HGF: variants seen among roughly 807,000 people sequenced by gnomAD.
The protein encoded by HGF is hepatocyte growth factor.
HGF carries 39 observed loss-of-function variants against 111.6 expected under a neutral mutation model. The ratio of observed to expected loss-of-function variants is 0.35; its 90% CI spans 0.27 to 0.46. The LOEUF is 0.46. Ranked by LOEUF, HGF falls within the 20% of genes least tolerant of loss-of-function variation. HGF has a pLI of 1.00. For missense variants in HGF, 735 were observed against 910.5 expected (o/e 0.81, Z 2.48); for synonymous variants, 285 against 294.8 (o/e 0.97, Z 0.34).
At chr7:81,736,243 A>G (rs1317122850) in intron 7 of HGF, among the ~76,000 whole-genome samples, 3 of 152,096 alleles carry the variant, frequency 2.0e-5, no homozygotes, top group Non-Finnish European at 2.9e-5. Flanking sequence ...AGAAGTAAAC[A>G]ATTCATACGT....
intron 5 of HGF, chr7:81,750,889 T>G (rs1788465615): frequency 2.5e-6 from 2 of 809,112 alleles, no homozygotes. Flanking sequence ...AAAACAGACT[T>G]GTTCAAAACG....
intron 12 of HGF, among the ~76,000 whole-genome samples, chr7:81,710,677 T>G (rs1215795870): frequency 6.6e-6 from 1 of 152,220 alleles, no homozygotes; most frequent in African/African-American, 2.4e-5. Context: ...TCTGAATTTG[T>G]ACAGTTAGAT....
chr7:81,737,210 T>C (rs567626059), intron 7 of HGF, among the ~76,000 whole-genome samples: 1 of 151,992 alleles, frequency 6.6e-6, no homozygotes, highest in African/African-American at 2.4e-5. Context: ...TAATAGAGCC[T>C]AAATCATGCA....
chr7:81,751,192 A>C (rs1788481794), intron 5 of HGF: 1 of 904,428 alleles, frequency 1.1e-6, no homozygotes, highest in Admixed American at 6.2e-5. Flanking sequence ...AACAGGTAAG[A>C]TATCTTAGTA....
intron 10 of HGF, among the ~76,000 whole-genome samples, chr7:81,718,138 A>G (rs1463944805): frequency 6.6e-6 from 1 of 152,192 alleles, no homozygotes; most frequent in Admixed American, 6.5e-5. Context: ...CCAGTTATTA[A>G]TTGCTACCAT....
chr7:81,751,280 C>T lies in HGF; in HGVS notation c.625+840G>A, dbSNP rs1387427258. ...TAACAATTTTCTAACAGAGTTTCAT[C>T]CATGTTTCACTTAGATTTTTGGAAA... On this transcript the variant is annotated intron_variant, in intron 5 of 17. Transcript: ENST00000222390. 13 of 984,718 alleles carry T rather than the reference C, an allele frequency of 1.3e-5. No homozygotes were observed. In the African/African-American group the frequency reaches 2.1e-4, roughly 16 times the overall value. The allele number at this position is 984,718 out of a possible 1,614,324, so 61.0% of individuals were successfully genotyped here.
At chr7:81,715,447 A>T (rs1789685767) in intron 11 of HGF, among the ~76,000 whole-genome samples, 2 of 152,206 alleles carry the variant, frequency 1.3e-5, no homozygotes, top group South Asian at 2.1e-4. Context: ...ATATGGGAAA[A>T]GTGAAGAACA....
Position 81,743,467 on chromosome 7 carries a change from G to A in HGF, c.751C>T (p.Pro251Ser), listed in dbSNP as rs865828369. The change falls in exon 7 of 18, where the codon CCC (proline) becomes TCC (serine). Residue 251 changes from proline to serine, a missense_variant. By Grantham distance (74) the Pro-to-Ser change is moderately conservative. Around this residue, in one of 3 missense-constraint regions of HGF, gnomAD observed 553 missense variants for 685.6 expected, o/e 0.81. Transcript: ENST00000222390. ...TAATTATCATCAAAGCCCTTGTCGG[G>A]ATATCTGCAAACCACACCAAGAAAA... Reference protein sequence around the residue: ...HRHKFLPERYPDKGFDDNYCR... With the variant: ...HRHKFLPERYSDKGFDDNYCR... 6.3e-7 allele frequency: 1 copy of A among 1,599,784 alleles called. No individual in the cohort carries two copies. The highest frequency in any genetic ancestry group is 8.6e-7 in the Non-Finnish European group (1 of 1,167,000).
intron 7 of HGF, among the ~76,000 whole-genome samples, chr7:81,735,105 T>C (rs1225987794): frequency 6.6e-6 from 1 of 152,112 alleles, no homozygotes; most frequent in African/African-American, 2.4e-5. Flanking sequence ...CTGTGGGCCA[T>C]GAAGACCAGG....
intron 9 of HGF, among the ~76,000 whole-genome samples, chr7:81,722,904 A>G (rs1394870300): frequency 6.6e-6 from 1 of 151,012 alleles, no homozygotes; most frequent in Non-Finnish European, 1.5e-5. Flanking sequence ...ACTTTTAAAA[A>G]TATTCTATAC....
chr7:81,761,877 A>G (rs1231416796), intron 2 of HGF, among the ~76,000 whole-genome samples: 1 of 152,100 alleles, frequency 6.6e-6, no homozygotes, highest in Admixed American at 6.5e-5. Flanking sequence ...CTAGATTCTC[A>G]TAAGGAGCGC....
In HGF at chr7:81,720,891, C is replaced by T. The variant is rs758904431; in HGVS notation, c.1169-44G>A. On this transcript the variant is annotated intron_variant, in intron 9 of 17. Coordinates refer to ENST00000222390, the MANE Select transcript of HGF (RefSeq NM_000601.6). ...GAAATAAGTCCAATGAATATCAAGG[C>T]AGATAAAACAAAAAGGTTTTTTACA... The T allele has an allele frequency of 7.1e-5, 74 of 1,035,406 alleles. No homozygotes were observed. The South Asian group carries it at 7.7e-4, about 11-fold the overall frequency. The allele number at this position is 1,035,406 out of a possible 1,614,324, so 64.1% of individuals were successfully genotyped here. A position where few individuals can be genotyped will look rare whatever the true frequency, so the allele number is the denominator to read the frequency against.
At chr7:81,706,037 C>T (rs1789415638) in intron 15 of HGF, among the ~76,000 whole-genome samples, 1 of 151,760 alleles carries the variant, frequency 6.6e-6, no homozygotes, top group Non-Finnish European at 1.5e-5. Flanking sequence ...TGCTGAGTTT[C>T]CATTTTAAAA....
At chr7:81,736,117 C>G (rs886713139) in intron 7 of HGF, among the ~76,000 whole-genome samples, 11 of 152,120 alleles carry the variant, frequency 7.2e-5, no homozygotes, top group African/African-American at 2.7e-4. Context: ...CGTCTCACTT[C>G]TAAAGTGTTT....
intron 8 of HGF, among the ~76,000 whole-genome samples, chr7:81,726,295 C>T (rs555584461): frequency 2.6e-5 from 4 of 152,062 alleles, no homozygotes; most frequent in Non-Finnish European, 5.9e-5. Context: ...GAAACGGTAC[C>T]GCTGCATTCT....
intron 7 of HGF, among the ~76,000 whole-genome samples, chr7:81,739,726 C>T (rs915584355): frequency 6.6e-6 from 1 of 152,030 alleles, no homozygotes; most frequent in Non-Finnish European, 1.5e-5. Flanking sequence ...AGAGGTGGAA[C>T]TTGAGCCCCT....
intron 13 of HGF, among the ~76,000 whole-genome samples, chr7:81,708,085 T>C (rs1035321321): frequency 1.3e-5 from 2 of 152,084 alleles, no homozygotes; most frequent in African/African-American, 4.8e-5. Flanking sequence ...AAAGCACAAC[T>C]TTTCATAATT....
intron 3 of HGF, 62 bp downstream of exon 3, chr7:81,758,630 T>A: frequency 9.5e-7 from 1 of 1,049,104 alleles, no homozygotes; most frequent in Non-Finnish European, 1.5e-6. Flanking sequence ...GGCAGGAAAT[T>A]ACAAACATAC....
intron 7 of HGF, 43 bp from the exon 8 acceptor site, chr7:81,729,822 C>A (rs142482447): frequency 4.4e-6 from 7 of 1,588,716 alleles, no homozygotes; most frequent in African/African-American, 1.3e-5. Context: ...TATATAAAAT[C>A]TTTGAAGATG....
Sources: gnomAD v4.1 joint callset for allele counts (sites outside exome capture counted in the v4.1 genomes callset) on GRCh38, gnomAD v4.1.1 for gene constraint, gnomAD v4.1.1 regional missense constraint, MANE v1.5 for transcripts, NCBI Gene and HGNC (gene_info 2026-07-23, HGNC 2026-07-21) for gene names.